The following GSG1L variants were observed in gnomAD, a reference collection of about 807,000 sequenced individuals.
GSG1L encodes germ cell-specific gene 1-like protein.
Under a neutral mutation model 42.1 loss-of-function variants are expected in GSG1L, and 24 were observed. That is an observed-to-expected ratio of 0.57 (90% CI 0.41 to 0.80). The LOEUF (loss-of-function observed/expected upper bound fraction) is 0.80. Among genes scored for constraint, GSG1L ranks in the 30% least tolerant of loss-of-function variants. The probability of loss-of-function intolerance (pLI) is 0.00; values close to 1 mark genes in which losing one functional copy is unlikely to be tolerated. For synonymous variants in GSG1L, 215 were observed against 203.5 expected (o/e 1.06, Z -0.48); for missense variants, 445 against 472.2 (o/e 0.94, Z 0.53).
At chr16:27,888,442 TTCTTTCTTTCTTTCTTTCTTTCTCTC>T (rs1168312357) in intron 2 of GSG1L, among the ~76,000 whole-genome samples, 3 of 35,386 alleles carry the variant, frequency 8.5e-5, no homozygotes, top group East Asian at 6.9e-4. Flanking sequence ...CTTTCTTTCT[TTCTTTCTTTCTTTCTTTCTTTCTCTC>T]TCTCTCTCTC....
intron 1 of GSG1L, among the ~76,000 whole-genome samples, chr16:28,023,710 G>C (rs997352070): frequency 1.4e-4 from 21 of 152,168 alleles, no homozygotes; most frequent in African/African-American, 4.6e-4. Context: ...GGCTCAGTGA[G>C]CTTAAGCAAT....
chr16:27,849,536 G>C (rs748497284), intron 3 of GSG1L, among the ~76,000 whole-genome samples: 1 of 151,968 alleles, frequency 6.6e-6, no homozygotes, highest in East Asian at 1.9e-4. Flanking sequence ...TAGTTTGTTT[G>C]TTTACTTTTG....
Position 28,063,238 on chromosome 16 carries a change from C to T in GSG1L, c.187G>A (p.Gly63Ser), listed in dbSNP as rs1368817433. The T allele has an allele frequency of 3.1e-6, 4 of 1,275,304 alleles. No individual in the cohort carries two copies. The highest frequency in any genetic ancestry group is 4.0e-6 in the Non-Finnish European group (4 of 1,012,490). 79.0% of individuals were successfully genotyped at this position (1,275,304 alleles called of 1,614,324 possible). Residue 63 changes from glycine (G) to serine (S), a missense_variant, in exon 1 of 7, where the codon GGC becomes AGC. Transcript: ENST00000447459. The surrounding 1 kb of genome is among the most constrained non-coding windows in gnomAD (Gnocchi z 5.8). ...GCGGCGGCGGCGGGGGCGGCGGTGC[C>T]GTTGGCCGTGGCGTTGGCGCCCGAG... Reference protein sequence around the residue: ...PNSGANATANGTAAPAAAAAA... With the variant: ...PNSGANATANSTAAPAAAAAA...
At chr16:27,817,841 G>C (rs1351805597) in intron 5 of GSG1L, among the ~76,000 whole-genome samples, 1 of 152,192 alleles carries the variant, frequency 6.6e-6, no homozygotes, top group Non-Finnish European at 1.5e-5. Flanking sequence ...CAATGGTCCA[G>C]GGACCACACT....
intron 1 of GSG1L, among the ~76,000 whole-genome samples, chr16:28,007,515 G>GT (rs151170153): frequency 0.15 from 5,656 of 38,108 alleles, 112 homozygotes; most frequent in African/African-American, 0.3. Flanking sequence ...TGGTTGGTTG[G>GT]TGGTTGGTTG....
chr16:27,800,686 G>A (rs1485171616), intron 6 of GSG1L, among the ~76,000 whole-genome samples: 1 of 152,208 alleles, frequency 6.6e-6, no homozygotes, highest in African/African-American at 2.4e-5. Flanking sequence ...TTTGGGGACA[G>A]TTAGGATAAC....
At chr16:27,936,954 T>C (rs1322980044) in intron 2 of GSG1L, among the ~76,000 whole-genome samples, 1 of 152,214 alleles carries the variant, frequency 6.6e-6, no homozygotes, top group African/African-American at 2.4e-5. Flanking sequence ...GTCCTGAACA[T>C]AACAGAAGAG....
intron 1 of GSG1L, among the ~76,000 whole-genome samples, chr16:27,972,128 G>T (rs1210396301): frequency 2.0e-5 from 3 of 152,172 alleles, no homozygotes; most frequent in African/African-American, 7.2e-5. Flanking sequence ...AATCTCCTAG[G>T]AATATACCTC....
At chr16:27,807,956 C>T (rs1208520077) in intron 5 of GSG1L, among the ~76,000 whole-genome samples, 3 of 152,232 alleles carry the variant, frequency 2.0e-5, no homozygotes, top group African/African-American at 7.2e-5. Flanking sequence ...TGGCAGAATA[C>T]ACACCAAAAA....
intron 3 of GSG1L, among the ~76,000 whole-genome samples, chr16:27,881,585 G>A (rs2083956355): frequency 6.6e-6 from 1 of 152,188 alleles, no homozygotes; most frequent in African/African-American, 2.4e-5. Context: ...AGCTGCAGCT[G>A]TGGTGAGATT....
At chr16:28,024,354 C>T (rs865865723) in intron 1 of GSG1L, among the ~76,000 whole-genome samples, 8 of 152,262 alleles carry the variant, frequency 5.3e-5, no homozygotes, top group South Asian at 2.1e-4. Flanking sequence ...CCGCCAACTC[C>T]GATTGTAAAT....
intron 1 of GSG1L, among the ~76,000 whole-genome samples, chr16:27,979,655 G>GAA (rs1567542753): frequency 1.6e-5 from 1 of 63,106 alleles, no homozygotes; most frequent in African/African-American, 6.9e-5. Context: ...AAGAAAGAAA[G>GAA]AAAGAAAGAG....
intron 5 of GSG1L, among the ~76,000 whole-genome samples, chr16:27,819,108 G>A (rs1369075463): frequency 6.6e-6 from 1 of 152,062 alleles, no homozygotes; most frequent in African/African-American, 2.4e-5. Flanking sequence ...AAATTAGCCA[G>A]GCATGGTGGC....
chr16:27,807,587 A>G, intron 5 of GSG1L, 33 bp from the exon 6 acceptor site: 4 of 1,584,964 alleles, frequency 2.5e-6, no homozygotes, highest in Non-Finnish European at 3.4e-6. Flanking sequence ...ACAAAATCCT[A>G]GGTAGGAAAG....
chr16:27,886,163 G>A (rs1472866904), intron 2 of GSG1L, among the ~76,000 whole-genome samples: 1 of 152,154 alleles, frequency 6.6e-6, no homozygotes, highest in Non-Finnish European at 1.5e-5. Context: ...GTAATGGCTG[G>A]GCACGGTGGC....
intron 4 of GSG1L, among the ~76,000 whole-genome samples, chr16:27,833,009 A>G (rs1240470340): frequency 6.6e-6 from 1 of 152,228 alleles, no homozygotes; most frequent in African/African-American, 2.4e-5. Flanking sequence ...TGTGTTTGAT[A>G]TCAAATATAA....
intron 1 of GSG1L, among the ~76,000 whole-genome samples, chr16:27,997,510 T>A (rs182932544): frequency 4.6e-5 from 7 of 151,644 alleles, no homozygotes; most frequent in Admixed American, 4.6e-4. Flanking sequence ...TGGAATGAGG[T>A]CAGGCCCATT....
At chr16:27,902,986 G>A (rs1298801393) in intron 2 of GSG1L, among the ~76,000 whole-genome samples, 1 of 152,102 alleles carries the variant, frequency 6.6e-6, no homozygotes, top group African/African-American at 2.4e-5. Flanking sequence ...CAAGGACACA[G>A]CCAGGCAAAG....
intron 3 of GSG1L, among the ~76,000 whole-genome samples, chr16:27,880,847 AG>A (rs894568459): frequency 7.9e-5 from 12 of 151,964 alleles, no homozygotes; most frequent in Non-Finnish European, 8.8e-5. Context: ...TGCTTGGTGC[AG>A]GGGAAGAAAA....
Sources: gnomAD v4.1 joint callset for allele counts (sites outside exome capture counted in the v4.1 genomes callset) on GRCh38, gnomAD v4.1.1 for gene constraint, Gnocchi (gnomAD v3.1) non-coding constraint, MANE v1.5 for transcripts, NCBI Gene and HGNC (gene_info 2026-07-23, HGNC 2026-07-21) for gene names.